The following SHISA9 variants were observed in gnomAD, a reference collection of about 807,000 sequenced individuals.
SHISA9 encodes shisa family member 9.
SHISA9 carries 13 observed loss-of-function variants against 38.0 expected under a neutral mutation model. The ratio of observed to expected loss-of-function variants is 0.34; its 90% CI spans 0.22 to 0.54. SHISA9 has a LOEUF of 0.54. Among genes scored for constraint, SHISA9 ranks in the 20% least tolerant of loss-of-function variants. The probability of loss-of-function intolerance (pLI) is 0.91; values close to 1 mark genes in which losing one functional copy is unlikely to be tolerated. For missense variants in SHISA9, 538 were observed against 575.8 expected, an observed-to-expected ratio of 0.93 and a Z score of 0.67; for synonymous variants, 275 against 242.0, an observed-to-expected ratio of 1.14 and a Z score of -1.27.
the SHISA9 span, among the ~76,000 whole-genome samples, chr16:13,288,018 A>G: frequency 6.6e-6 from 1 of 152,180 alleles, no homozygotes; most frequent in South Asian, 2.1e-4. Context: ...TCACTTTTGG[A>G]CTTCTGAGGG....
At chr16:13,116,238 A>G (rs1162519203) in intron 2 of SHISA9, among the ~76,000 whole-genome samples, 2 of 152,132 alleles carry the variant, frequency 1.3e-5, no homozygotes, top group Non-Finnish European at 2.9e-5. Flanking sequence ...TTAACGGTGG[A>G]TTCTACCTGG....
intron 4 of SHISA9, among the ~76,000 whole-genome samples, chr16:13,231,366 C>T (rs1280445813): frequency 6.6e-6 from 1 of 152,196 alleles, no homozygotes; most frequent in Non-Finnish European, 1.5e-5. Flanking sequence ...AAGGGGGAAA[C>T]TTTGAGTATT....
intron 2 of SHISA9, among the ~76,000 whole-genome samples, chr16:13,090,642 T>C (rs966080065): frequency 5.3e-5 from 8 of 152,212 alleles, no homozygotes; most frequent in Admixed American, 2.0e-4. Context: ...TTTTTTTGCT[T>C]TCCATTTGCT....
intron 2 of SHISA9, among the ~76,000 whole-genome samples, chr16:12,989,404 C>T (rs567623031): frequency 5.3e-5 from 8 of 152,234 alleles, no homozygotes; most frequent in African/African-American, 1.9e-4. Context: ...TCTCGAACTC[C>T]TGACCTCAAG....
intron 2 of SHISA9, among the ~76,000 whole-genome samples, chr16:13,118,053 G>A (rs527994393): frequency 1.1e-4 from 16 of 152,084 alleles, no homozygotes; most frequent in South Asian, 2.1e-4. Context: ...ATGGTGGTGC[G>A]TACCTTTAAT....
intron 2 of SHISA9, among the ~76,000 whole-genome samples, chr16:13,139,705 C>T (rs2050382762): frequency 6.6e-6 from 1 of 152,012 alleles, no homozygotes; most frequent in African/African-American, 2.4e-5. Flanking sequence ...GTTTCCAAAC[C>T]ACTGGAATTG....
chr16:13,408,657 T>C, the SHISA9 span, among the ~76,000 whole-genome samples: 1 of 152,366 alleles, frequency 6.6e-6, no homozygotes, highest in South Asian at 2.1e-4. Flanking sequence ...TTGTTTCATA[T>C]ATGAGTTGTA....
the SHISA9 span, among the ~76,000 whole-genome samples, chr16:13,357,452 T>C: frequency 2.0e-5 from 3 of 152,084 alleles, no homozygotes; most frequent in Non-Finnish European, 4.4e-5. Flanking sequence ...GTGAGATGTT[T>C]CTTGGGCTGG....
the SHISA9 span, among the ~76,000 whole-genome samples, chr16:13,425,659 C>T: frequency 6.6e-6 from 1 of 152,260 alleles, no homozygotes; most frequent in South Asian, 2.1e-4. Flanking sequence ...CACATGTAAC[C>T]TCGATCTAAA....
rs1469928446 is a variant in SHISA9 at position 12,969,923 on chromosome 16, C to T, written c.691+53108C>T. Among the ~76,000 whole-genome samples, 4 of 151,878 alleles carry T rather than the reference C, an allele frequency of 2.6e-5. No homozygotes were observed. In the East Asian group the frequency reaches 7.7e-4, roughly 29 times the overall value. ...AACAATATAGTAAACTGTTTAGGGACCATGTCACAGATCTAAAAGATATGC... is the reference window on the plus strand; with the variant it reads ...AACAATATAGTAAACTGTTTAGGGATCATGTCACAGATCTAAAAGATATGC... On this transcript the variant is annotated intron_variant, in intron 2 of 4. Transcript: ENST00000558583.
intron 2 of SHISA9, among the ~76,000 whole-genome samples, chr16:13,170,916 C>T (rs2050680205): frequency 6.6e-6 from 1 of 152,096 alleles, no homozygotes; most frequent in Non-Finnish European, 1.5e-5. Context: ...CTTGGCCTCC[C>T]AAAGTGCTGG....
chr16:13,433,447 CTA>C, the SHISA9 span, among the ~76,000 whole-genome samples: 1 of 152,188 alleles, frequency 6.6e-6, no homozygotes, highest in Non-Finnish European at 1.5e-5. Context: ...GCTATTATCT[CTA>C]TGTGCATGAG....
the SHISA9 span, among the ~76,000 whole-genome samples, chr16:13,311,472 T>A: frequency 9.2e-5 from 14 of 152,164 alleles, no homozygotes; most frequent in Non-Finnish European, 1.0e-4. Context: ...ATGTAGAGAC[T>A]CGTTTTCTCT....
intron 2 of SHISA9, among the ~76,000 whole-genome samples, chr16:13,081,882 A>C (rs2073654803): frequency 6.6e-6 from 1 of 151,686 alleles, no homozygotes; most frequent in South Asian, 2.1e-4. Context: ...TCTACTGATC[A>C]ACTAGATTTA....
the SHISA9 span, among the ~76,000 whole-genome samples, chr16:13,403,203 A>G: frequency 1.3e-5 from 2 of 152,086 alleles, no homozygotes; most frequent in African/African-American, 4.8e-5. Context: ...ATACGGACCC[A>G]CAGTGTTCCA....
the SHISA9 span, among the ~76,000 whole-genome samples, chr16:13,508,096 C>G: frequency 1.3e-5 from 2 of 152,140 alleles, no homozygotes; most frequent in African/African-American, 2.4e-5. Context: ...TATCTCTCAT[C>G]TAAATTCTCT....
At chr16:13,503,485 G>T in the SHISA9 span, among the ~76,000 whole-genome samples, 192 of 152,314 alleles carry the variant, frequency 1.3e-3, no homozygotes, top group African/African-American at 4.3e-3. Context: ...ATTGGATGGA[G>T]TTGTAATGTT....
intron 2 of SHISA9, among the ~76,000 whole-genome samples, chr16:13,133,147 C>A (rs556183147): frequency 6.6e-6 from 1 of 152,152 alleles, no homozygotes; most frequent in African/African-American, 2.4e-5. Flanking sequence ...GTGAGCAGTC[C>A]CCCAGACTGG....
At chr16:13,372,278 A>G in the SHISA9 span, among the ~76,000 whole-genome samples, 6 of 152,208 alleles carry the variant, frequency 3.9e-5, no homozygotes, top group Admixed American at 6.5e-5. Flanking sequence ...AACATTTTCC[A>G]TTCATTTAAC....
Sources: allele counts gnomAD v4.1 joint callset (sites outside exome capture counted in the v4.1 genomes callset), GRCh38; gene constraint gnomAD v4.1.1; transcripts MANE v1.5; gene names NCBI Gene and HGNC (gene_info 2026-07-23, HGNC 2026-07-21).